Variants in SRPK2 observed in about 807,000 individuals in gnomAD.
SRPK2 encodes the protein SRSF protein kinase 2.
SRPK2 carries 21 observed loss-of-function variants against 90.8 expected under a neutral mutation model. The observed-to-expected ratio is 0.23, with a 90% CI of 0.16 to 0.33. SRPK2 has a LOEUF of 0.33. Ranked by LOEUF, SRPK2 falls within the 10% of genes least tolerant of loss-of-function variation. The probability of loss-of-function intolerance (pLI) is 1.00; values close to 1 mark genes in which losing one functional copy is unlikely to be tolerated. For missense variants in SRPK2, 620 were observed against 869.0 expected (o/e 0.71, Z 3.60); for synonymous variants, 288 against 311.1 (o/e 0.93, Z 0.78).
chr7:105,209,007 CT>C (rs1025501278), intron 2 of SRPK2, among the ~76,000 whole-genome samples: 18 of 151,952 alleles, frequency 1.2e-4, no homozygotes, highest in African/African-American at 4.4e-4. Context: ...CCCAATACAG[CT>C]ATAGATATTT....
intron 2 of SRPK2, among the ~76,000 whole-genome samples, chr7:105,293,572 A>G (rs559781572): frequency 1.6e-4 from 24 of 149,842 alleles, no homozygotes; most frequent in African/African-American, 5.6e-4. Flanking sequence ...GGAACCCACC[A>G]TCACACTCGG....
chr7:105,287,124 A>C (rs536290110), intron 2 of SRPK2, among the ~76,000 whole-genome samples: 2 of 150,266 alleles, frequency 1.3e-5, no homozygotes, highest in East Asian at 3.9e-4. Context: ...AGCCGGGCGT[A>C]GTGGCGGGCG....
At chr7:105,338,439 G>C (rs1157335316) in intron 2 of SRPK2, among the ~76,000 whole-genome samples, 1 of 152,092 alleles carries the variant, frequency 6.6e-6, no homozygotes, top group African/African-American at 2.4e-5. Context: ...TGGAGTCGGG[G>C]TTTCACTATC....
intron 3 of SRPK2, among the ~76,000 whole-genome samples, chr7:105,169,657 G>A (rs773387496): frequency 5.9e-5 from 9 of 152,170 alleles, no homozygotes; most frequent in South Asian, 2.1e-4. Context: ...AAACTGGGAG[G>A]TGGAGGCTGC....
At chr7:105,287,954 T>C (rs1164219983) in intron 2 of SRPK2, among the ~76,000 whole-genome samples, 1 of 152,158 alleles carries the variant, frequency 6.6e-6, no homozygotes, top group Non-Finnish European at 1.5e-5. Context: ...GGCTTTCAAA[T>C]GGGTACTACA....
At chr7:105,149,514 G>C (rs909303801) in intron 7 of SRPK2, among the ~76,000 whole-genome samples, 4 of 152,190 alleles carry the variant, frequency 2.6e-5, no homozygotes, top group African/African-American at 7.2e-5. Flanking sequence ...AGAGACCGGT[G>C]CCGGTGCAGG....
At chr7:105,382,782 G>C (rs2132691553) in intron 2 of SRPK2, among the ~76,000 whole-genome samples, 1 of 152,256 alleles carries the variant, frequency 6.6e-6, no homozygotes, top group East Asian at 1.9e-4. Flanking sequence ...TTGTGGTAAT[G>C]AAACAGTTTG....
intron 2 of SRPK2, among the ~76,000 whole-genome samples, chr7:105,381,337 G>C (rs1392409965): frequency 6.6e-6 from 1 of 152,172 alleles, no homozygotes; most frequent in Non-Finnish European, 1.5e-5. Flanking sequence ...AACGCTTTGT[G>C]AGGCCAAGGC....
Position 105,133,025 on chromosome 7 carries a change from G to A in SRPK2, c.1623C>T (p.Asp541=), listed in dbSNP as rs202022264. 5.0e-6 allele frequency: 8 copies of A among 1,614,158 alleles called. No homozygotes were observed. In the Admixed American group the frequency reaches 1.0e-4, roughly 20 times the overall value. Residue 541 remains aspartate, a synonymous_variant, in exon 12 of 16, where the codon GAC becomes GAT. Coordinates refer to ENST00000393651, the MANE Select transcript of SRPK2 (RefSeq NM_182692.3). The part of the protein sequence containing the change: ...NADKIRVKIA[D]LGNACWVHKH... Reference sequence around the variant, plus strand: ...TTACCACCCAACAAGCATTTCCCAGGTCAGCAATTTTTACTCTAATTTTAT... The same window carrying A: ...TTACCACCCAACAAGCATTTCCCAGATCAGCAATTTTTACTCTAATTTTAT...
At chr7:105,197,428 G>A (rs531193261) in intron 3 of SRPK2, among the ~76,000 whole-genome samples, 1 of 152,270 alleles carries the variant, frequency 6.6e-6, no homozygotes, top group Non-Finnish European at 1.5e-5. Flanking sequence ...CAGAAACAAA[G>A]GCCCTATATT....
intron 7 of SRPK2, among the ~76,000 whole-genome samples, chr7:105,152,581 T>C (rs1283824126): frequency 1.3e-5 from 2 of 152,210 alleles, no homozygotes; most frequent in Non-Finnish European, 2.9e-5. Context: ...ACAGGATAAC[T>C]GTGACAATGG....
At chr7:105,119,370 A>G (rs552665663) in intron 15 of SRPK2, among the ~76,000 whole-genome samples, 11 of 152,344 alleles carry the variant, frequency 7.2e-5, no homozygotes, top group South Asian at 4.1e-4. Flanking sequence ...ACAGAAAAGT[A>G]TAAGAACAAA....
intron 3 of SRPK2, among the ~76,000 whole-genome samples, chr7:105,202,513 T>C (rs6972563): frequency 0.41 from 63,100 of 152,102 alleles, 14,956 homozygotes; most frequent in Non-Finnish European, 0.53. Context: ...AGCTGAATAG[T>C]CATTTCTCTT....
At chr7:105,334,570 G>C (rs1814836356) in intron 2 of SRPK2, among the ~76,000 whole-genome samples, 1 of 152,000 alleles carries the variant, frequency 6.6e-6, no homozygotes, top group Non-Finnish European at 1.5e-5. Flanking sequence ...GGGCACGGTG[G>C]CTCACATCTG....
Position 105,396,796 on chromosome 7 carries a change from GAAAGAGAAAGAA to G in SRPK2, n.153+2348_153+2359del, listed in dbSNP as rs1434068573. ...AGAAAGAGAGAGAAAGAAAGAAAGA[GAAAGAGAAAGAA>G]AGAAAGAGAGAAAGAGAGAGAGAGA... On this transcript the variant is annotated intron_variant and non_coding_transcript_variant, in intron 1 of 3. Transcript: ENST00000462282. 4.0e-4 allele frequency among the ~76,000 whole-genome samples: 34 copies of G among 84,408 alleles called. No homozygotes were observed. In the East Asian group the frequency reaches 0.011, roughly 28 times the overall value. 55.4% of individuals were successfully genotyped at this position (84,408 alleles called of 152,430 possible).
At chr7:105,201,624 C>T (rs368355446) in intron 3 of SRPK2, among the ~76,000 whole-genome samples, 1 of 130,230 alleles carries the variant, frequency 7.7e-6, no homozygotes, top group African/African-American at 2.8e-5. Flanking sequence ...CAGACCCTGT[C>T]GCTACCAGAA....
In SRPK2 at chr7:105,132,826, T is replaced by G; in HGVS notation, c.1717A>C (p.Ser573Arg). ...SIEVLIGAGY[S>R]TPADIWSTAC... ...GTGCTCCAGATGTCCGCAGGGGTGC[T>G]GTACCCCGCTCCTATTAAAACCTCT... Residue 573 changes from serine to arginine, a missense_variant, in exon 13 of 16, where the codon AGC becomes CGC. Ser to Arg is a moderately radical substitution (Grantham distance 110). This residue lies in a region of SRPK2 where 25 missense variants were observed against 21.4 expected (regional missense o/e 1.17). Coordinates refer to ENST00000393651, the MANE Select transcript of SRPK2 (RefSeq NM_182692.3). 6.2e-7 allele frequency: 1 copy of G among 1,610,314 alleles called. No homozygotes were observed. The highest frequency in any genetic ancestry group is 8.5e-7 in the Non-Finnish European group (1 of 1,178,050).
At chr7:105,365,079 C>T (rs751669071) in intron 2 of SRPK2, among the ~76,000 whole-genome samples, 4 of 152,142 alleles carry the variant, frequency 2.6e-5, no homozygotes, top group Non-Finnish European at 5.9e-5. Flanking sequence ...TTAGCCCATC[C>T]CTTCCTGCCT....
chr7:105,353,685 C>T (rs1187297790), intron 2 of SRPK2, among the ~76,000 whole-genome samples: 5 of 152,042 alleles, frequency 3.3e-5, no homozygotes, highest in Non-Finnish European at 7.4e-5. Flanking sequence ...TTCCTGAATG[C>T]CCCAAGGTGA....
Sources: allele counts gnomAD v4.1 joint callset (sites outside exome capture counted in the v4.1 genomes callset), GRCh38; gene constraint gnomAD v4.1.1; regional missense constraint gnomAD v4.1.1; transcripts MANE v1.5; gene names NCBI Gene and HGNC (gene_info 2026-07-23, HGNC 2026-07-21).